The following DCD variants were observed in gnomAD, a reference collection of about 807,000 sequenced individuals.
DCD encodes diffusible survival/evasion peptide.
In DCD, 17 loss-of-function variants were observed where a neutral mutation model predicts 14.5. The observed-to-expected ratio is 1.18, with a 90% CI of 0.81 to 1.76. The LOEUF is 1.76. Among genes scored for constraint, DCD ranks in the 40% most tolerant of loss-of-function variants. The pLI, the probability that DCD is intolerant of heterozygous loss-of-function variation, is 0.00. For synonymous variants in DCD, 64 were observed against 54.0 expected, an observed-to-expected ratio of 1.19 and a Z score of -0.82; for missense variants, 139 against 133.4, an observed-to-expected ratio of 1.04 and a Z score of -0.21.
intron 2 of DCD, 80 bp from the exon 3 acceptor site, chr12:54,645,787 C>G: frequency 8.3e-7 from 1 of 1,200,096 alleles, no homozygotes; most frequent in Non-Finnish European, 1.2e-6. Context: ...GTGCTTTTAC[C>G]CCCTCAAGGT....
intron 1 of DCD, 26 bp downstream of exon 1, chr12:54,648,220 G>T: frequency 6.2e-7 from 1 of 1,612,522 alleles, no homozygotes; most frequent in South Asian, 1.1e-5. Flanking sequence ...CTATATGGTT[G>T]GGTGTCGGGG....
At chr12:54,644,886 A>T in intron 4 of DCD, 130 bp from the exon 5 acceptor site, 3 of 1,551,084 alleles carry the variant, frequency 1.9e-6, no homozygotes, top group Non-Finnish European at 2.6e-6. Context: ...GTGCTTACAC[A>T]GAAGTCAGAG....
At chr12:54,647,247 C>G (rs962630356) in intron 1 of DCD, 88 bp from the exon 2 acceptor site, 1 of 1,314,190 alleles carries the variant, frequency 7.6e-7, no homozygotes, top group Non-Finnish European at 1.1e-6. Flanking sequence ...TCCCAGGCCT[C>G]TAATCTCAGG....
chr12:54,644,694 T>A lies in DCD; in HGVS notation c.*19A>T. ...AAGCCTGCTGCTCCTGGGTATCATTTCTCAGCTTCTCCTTACAGCTATAGT... is the reference window on the plus strand; with the variant it reads ...AAGCCTGCTGCTCCTGGGTATCATTACTCAGCTTCTCCTTACAGCTATAGT... On this transcript the variant is annotated 3_prime_UTR_variant, in exon 5 of 5. Transcript: ENST00000293371. 1 of 1,579,250 alleles carries A rather than the reference T, an allele frequency of 6.3e-7. No individual in the cohort carries two copies. The highest frequency in any genetic ancestry group is 2.2e-5 in the East Asian group (1 of 44,672).
rs540713684 is a variant in DCD, at chr12:54,646,223, C to T, written c.98-516G>A. On this transcript the variant is annotated intron_variant, in intron 2 of 4. Coordinates refer to ENST00000293371, the MANE Select transcript of DCD (RefSeq NM_053283.4). The stretch of plus-strand genomic sequence containing the variant: ...GGGCATCTGAGAAGACACCAAGGTG[C>T]CCGGTGTTCCCTCTGGGCTTTATGT... The T allele has an allele frequency of 3.2e-4, 142 of 446,970 alleles. 1 individual carries two copies. Among genetic ancestry groups the T allele is most frequent in the African/African-American group, 2.5e-3 (126 of 49,904 alleles). 27.7% of individuals were successfully genotyped at this position (446,970 alleles called of 1,614,324 possible).
chr12:54,645,005 G>A, intron 4 of DCD, 168 bp downstream of exon 4: 1 of 1,515,232 alleles, frequency 6.6e-7, no homozygotes, highest in Middle Eastern at 2.3e-4. Context: ...ACCCCAGGAA[G>A]TATCAATATC....
At chr12:54,645,088 TG>T in intron 4 of DCD, 84 bp downstream of exon 4, 9 of 1,517,948 alleles carry the variant, frequency 5.9e-6, no homozygotes, top group African/African-American at 1.4e-5. Context: ...GGGTCTTCAA[TG>T]GGGGGGCTGT....
In DCD at chr12:54,645,656, C is replaced by T. The variant is rs1958253736; in HGVS notation, c.149G>A (p.Gly50Glu). The change falls in exon 3 of 5, where the codon GGG (glycine) becomes GAG (glutamate). Residue 50 changes from glycine to glutamate, a missense_variant. Gly to Glu is a moderately conservative substitution (Grantham distance 98, BLOSUM62 -2). Coordinates refer to ENST00000293371, the MANE Select transcript of DCD (RefSeq NM_053283.4). ...TGGCTTTGGTGCCTGTCTGGCTAAC[C>T]CTGGGTCTTCACCTGCATTTTCCTT... The part of the protein sequence containing the change: ...AQKENAGEDP[G>E]LARQAPKPRK... 3 of 1,614,052 alleles carry T rather than the reference C, an allele frequency of 1.9e-6. No homozygotes were observed. The African/African-American group carries it at 4.0e-5, about 22-fold the overall frequency.
In DCD at chr12:54,645,644, T is replaced by C; in HGVS notation, c.161A>G (p.Gln54Arg). The C allele has an allele frequency of 6.2e-7, 1 of 1,614,188 alleles. No individual in the cohort carries two copies. The highest frequency in any genetic ancestry group is 1.1e-5 in the South Asian group (1 of 91,084). ...TCTCTGCTTCCTTGGCTTTGGTGCCTGTCTGGCTAACCCTGGGTCTTCACC... is the reference window on the plus strand; with the variant it reads ...TCTCTGCTTCCTTGGCTTTGGTGCCCGTCTGGCTAACCCTGGGTCTTCACC... Reference protein sequence around the residue: ...NAGEDPGLARQAPKPRKQRSS... With the variant: ...NAGEDPGLARRAPKPRKQRSS... Residue 54 changes from glutamine (Q) to arginine (R), a missense_variant, in exon 3 of 5, where the codon CAG (glutamine) becomes CGG (arginine). Coordinates refer to ENST00000293371, the MANE Select transcript of DCD (RefSeq NM_053283.4).
rs1279204053 is a variant in DCD, at chr12:54,644,672, C to CCTG, written c.*38_*40dup. 1.5e-6 allele frequency: 2 copies of CCTG among 1,346,638 alleles called. No homozygotes were observed. Among genetic ancestry groups the CCTG allele is most frequent in the Non-Finnish European group, 1.1e-6 (1 of 951,812 alleles). 83.4% of individuals were successfully genotyped at this position (1,346,638 alleles called of 1,614,324 possible). On this transcript the variant is annotated 3_prime_UTR_variant, in exon 5 of 5. Coordinates refer to ENST00000293371, the MANE Select transcript of DCD (RefSeq NM_053283.4). ...TAGGTTTTAGGCTGAAGACGTAAAG[C>CCTG]CTGCTGCTCCTGGGTATCATTTCTC...
In DCD at chr12:54,644,641, T is replaced by A; in HGVS notation, c.*72A>T. The A allele has an allele frequency of 2.0e-6, 2 of 1,020,416 alleles. No individual in the cohort carries two copies. Among genetic ancestry groups the A allele is most frequent in the Non-Finnish European group, 2.8e-6 (2 of 709,812 alleles). The allele number at this position is 1,020,416 out of a possible 1,614,324, so 63.2% of individuals were successfully genotyped here. ...TGTTTTAAATTTTTTTTTTTTTTTT[T>A]TTTTTTAGGTTTTAGGCTGAAGACG... is the stretch of plus-strand genomic sequence containing the variant. On this transcript the variant is annotated 3_prime_UTR_variant, in exon 5 of 5. Transcript: ENST00000293371.
intron 1 of DCD, 40 bp downstream of exon 1, chr12:54,648,206 G>A: frequency 5.0e-6 from 8 of 1,609,632 alleles, no homozygotes; most frequent in Non-Finnish European, 6.8e-6. Flanking sequence ...CAGTCTTCAG[G>A]GGACTATATG....
At chr12:54,647,085 C>A in intron 2 of DCD, 36 bp downstream of exon 2, 3 of 1,550,088 alleles carry the variant, frequency 1.9e-6, no homozygotes, top group Non-Finnish European at 2.6e-6. Flanking sequence ...AACCCTCCCA[C>A]CCAGGACTGG....
rs1288739440 is a variant in DCD, at chr12:54,647,456, AG to A, written c.59-298del. Among the ~76,000 whole-genome samples, 6 of 152,226 alleles carry A rather than the reference AG, an allele frequency of 3.9e-5. 1 individual carries two copies. The highest frequency in any genetic ancestry group is 3.9e-4 in the Admixed American group (6 of 15,278). On this transcript the variant is annotated intron_variant, in intron 1 of 4. Transcript: ENST00000293371. ...GTCCAAGTTTCATAATGAAAGTTGA[AG>A]GGGCATGACCACGAGGGCATGACCA...
intron 3 of DCD, 47 bp from the exon 4 acceptor site, chr12:54,645,309 C>T (rs1485072697): frequency 6.3e-7 from 1 of 1,577,024 alleles, no homozygotes; most frequent in Non-Finnish European, 8.7e-7. Context: ...AGAAAAACTA[C>T]TTCCTTTGTA....
chr12:54,645,908 C>T (rs1381257025), intron 2 of DCD: 3 of 580,522 alleles, frequency 5.2e-6, no homozygotes, highest in Non-Finnish European at 9.4e-6. Flanking sequence ...CAAGACTTTT[C>T]CTGCTCCTCC....
intron 3 of DCD, 83 bp downstream of exon 3, chr12:54,645,523 G>T: frequency 8.0e-7 from 1 of 1,254,592 alleles, no homozygotes; most frequent in Non-Finnish European, 1.2e-6. Flanking sequence ...CTGTGCTTGT[G>T]CCTGTGAGGG....
chr12:54,647,255 A>C, intron 1 of DCD, 96 bp from the exon 2 acceptor site: 165 of 1,212,594 alleles, frequency 1.4e-4, no homozygotes, highest in Non-Finnish European at 1.8e-4. Flanking sequence ...CTCTAATCTC[A>C]GGAGTGTGGC....
intron 2 of DCD, among the ~76,000 whole-genome samples, 161 bp downstream of exon 2, chr12:54,646,960 G>A (rs188348956): frequency 2.6e-5 from 4 of 152,196 alleles, no homozygotes; most frequent in Non-Finnish European, 5.9e-5. Context: ...TCCAGTGCAT[G>A]AGTCTCTCAG....
Sources: allele counts gnomAD v4.1 joint callset (sites outside exome capture counted in the v4.1 genomes callset), GRCh38; gene constraint gnomAD v4.1.1; transcripts MANE v1.5; gene names NCBI Gene and HGNC (gene_info 2026-07-23, HGNC 2026-07-21).